CRHR2: variants seen among roughly 807,000 people sequenced by gnomAD.
The protein encoded by CRHR2 is corticotropin releasing hormone receptor 2.
A neutral mutation model predicts 57.9 loss-of-function variants in CRHR2; 53 were observed. The ratio of observed to expected loss-of-function variants is 0.92; its 90% CI spans 0.73 to 1.15. CRHR2 has a LOEUF of 1.15. Ranked by LOEUF, CRHR2 falls within the 50% of genes most tolerant of loss-of-function variation. The probability of loss-of-function intolerance (pLI) is 0.00; values close to 1 mark genes in which losing one functional copy is unlikely to be tolerated. For missense variants in CRHR2, 532 were observed against 542.6 expected (o/e 0.98, Z 0.19); for synonymous variants, 213 against 220.9 (o/e 0.96, Z 0.32).
rs1386312497 is a variant in CRHR2, at chr7:30,656,185, C to T, written c.832-173G>A. Among the ~76,000 whole-genome samples the T allele has an allele frequency of 2.0e-5, 3 of 152,114 alleles. No homozygotes were observed. The highest frequency in any genetic ancestry group is 7.2e-5 in the African/African-American group (3 of 41,430). Reference sequence around the variant, plus strand: ...CATCCCAAGGCCTGTGCTCCTCCCTCGCCAGGATGGGGAGACAGCCCCATT... The same window carrying T: ...CATCCCAAGGCCTGTGCTCCTCCCTTGCCAGGATGGGGAGACAGCCCCATT... On this transcript the variant is annotated intron_variant, in intron 8 of 11. Coordinates refer to ENST00000471646, the MANE Select transcript of CRHR2 (RefSeq NM_001883.5). The surrounding 1 kb of genome is among the most constrained non-coding windows in gnomAD (Gnocchi z 4.4).
At chr7:30,654,568 A>T in intron 11 of CRHR2, 1 of 994,540 alleles carries the variant, frequency 1.0e-6, no homozygotes, top group Non-Finnish European at 1.5e-6. Flanking sequence ...GGGCCTCATG[A>T]TTGGCTTGCA....
chr7:30,684,803 C>T (rs1784821942), upstream of CRHR2, among the ~76,000 whole-genome samples: 1 of 152,204 alleles, frequency 6.6e-6, no homozygotes, highest in South Asian at 2.1e-4. Context: ...GATTTTACAG[C>T]TCACTTTAGT....
intron 8 of CRHR2, among the ~76,000 whole-genome samples, chr7:30,658,703 C>A (rs532243611): frequency 6.6e-6 from 1 of 152,344 alleles, no homozygotes; most frequent in Admixed American, 6.5e-5. Flanking sequence ...TCAGCATGGG[C>A]TGAAATAGTC....
chr7:30,653,428 C>A lies in CRHR2; in HGVS notation c.*32G>T. ...CCCAGAGGAAGAAGGTGGAGGAGGACAGGGGAGCTGTGCAGGTGGGCGACC... is the reference window on the plus strand; with the variant it reads ...CCCAGAGGAAGAAGGTGGAGGAGGAAAGGGGAGCTGTGCAGGTGGGCGACC... On this transcript the variant is annotated 3_prime_UTR_variant, in exon 12 of 12. Coordinates refer to ENST00000471646, the MANE Select transcript of CRHR2 (RefSeq NM_001883.5). The surrounding 1 kb of genome is among the most constrained non-coding windows in gnomAD (Gnocchi z 5.0). 6.2e-7 allele frequency: 1 copy of A among 1,607,798 alleles called. No homozygotes were observed. The highest frequency in any genetic ancestry group is 1.3e-5 in the African/African-American group (1 of 74,958).
intron 1 of CRHR2, among the ~76,000 whole-genome samples, chr7:30,697,049 T>C (rs1290277472): frequency 6.6e-6 from 1 of 152,218 alleles, no homozygotes; most frequent in Admixed American, 6.5e-5. Flanking sequence ...GGAAAAGTCA[T>C]TCAATGCATT....
At chr7:30,683,932 G>A (rs1784804415), upstream of CRHR2, among the ~76,000 whole-genome samples, 1 of 152,190 alleles carries the variant, frequency 6.6e-6, no homozygotes, top group African/African-American at 2.4e-5. Flanking sequence ...CTGCTTTTGT[G>A]TGCTCCGCTC....
At chr7:30,660,199 C>A (rs77657721) in intron 8 of CRHR2, among the ~76,000 whole-genome samples, 2 of 152,068 alleles carry the variant, frequency 1.3e-5, no homozygotes. Context: ...CTGAGGGGAA[C>A]GTAGGTCTGG....
intron 10 of CRHR2, 132 bp from the exon 11 acceptor site, chr7:30,655,212 G>T: frequency 9.8e-7 from 1 of 1,020,464 alleles, no homozygotes; most frequent in Non-Finnish European, 1.5e-6. Context: ...TCAGAGCTGG[G>T]TGGGGTCCTA....
chr7:30,666,655 T>C (rs1430036277), intron 3 of CRHR2, among the ~76,000 whole-genome samples: 1 of 152,260 alleles, frequency 6.6e-6, no homozygotes, highest in Middle Eastern at 3.2e-3. Context: ...CTGAGGACTA[T>C]GCTGGGTAAT....
At chr7:30,695,165 C>T (rs1286950979) in intron 1 of CRHR2, among the ~76,000 whole-genome samples, 4 of 58,938 alleles carry the variant, frequency 6.8e-5, no homozygotes, top group African/African-American at 1.4e-4. Context: ...GGCCGAGGGG[C>T]GGGCGAGGGG....
intron 10 of CRHR2, 127 bp downstream of exon 10, chr7:30,655,453 C>G: frequency 2.4e-6 from 3 of 1,232,080 alleles, no homozygotes; most frequent in Non-Finnish European, 3.4e-6. Context: ...GTACGGGCTT[C>G]TAACTCTGTG....
chr7:30,676,599 C>T (rs1407602644), intron 2 of CRHR2, among the ~76,000 whole-genome samples: 1 of 152,190 alleles, frequency 6.6e-6, no homozygotes, highest in Non-Finnish European at 1.5e-5. Context: ...TCCCAGTGTC[C>T]ACCAAGCCCC....
chr7:30,661,147 C>T (rs1783983413), intron 7 of CRHR2, among the ~76,000 whole-genome samples: 1 of 152,214 alleles, frequency 6.6e-6, no homozygotes, highest in African/African-American at 2.4e-5. Context: ...TGCTTGTGCA[C>T]CCAGTGAGGG....
At chr7:30,697,055 G>A (rs1037350354) in intron 1 of CRHR2, among the ~76,000 whole-genome samples, 1 of 152,234 alleles carries the variant, frequency 6.6e-6, no homozygotes, top group Non-Finnish European at 1.5e-5. Context: ...GTCATTCAAT[G>A]CATTAGCTGC....
At chr7:30,667,456 G>A in intron 2 of CRHR2, 143 bp from the exon 3 acceptor site, 1 of 638,398 alleles carries the variant, frequency 1.6e-6, no homozygotes, top group African/African-American at 1.8e-5. Flanking sequence ...AAGTTTACAT[G>A]TAAGTCACTT....
rs1320973942 is a variant in CRHR2 at position 30,682,006 on chromosome 7, C to T, written c.138G>A (p.Gln46=). ...CGCTGCGGGGCCAGCACGTTCCGAT[C>T]TGGTCCAAGGTCGTGTTGCAGTAGG... ...PYSYCNTTLD[Q]IGTCWPRSAA... is the part of the protein sequence containing the mutation. The change falls in exon 2 of 12, where the codon CAG becomes CAA. Residue 46 remains glutamine (Q), a synonymous_variant. Transcript: ENST00000471646. The T allele has an allele frequency of 3.0e-5, 48 of 1,603,780 alleles. No individual in the cohort carries two copies. Among genetic ancestry groups the T allele is most frequent in the Non-Finnish European group, 3.8e-5 (45 of 1,175,818 alleles).
intron 5 of CRHR2, among the ~76,000 whole-genome samples, chr7:30,664,531 GAGGGCACCT>G (rs1784115146): frequency 1.3e-5 from 2 of 152,154 alleles, no homozygotes; most frequent in Admixed American, 1.3e-4. Context: ...AGGGGTCTTT[GAGGGCACCT>G]GAATCCACAA....
chr7:30,664,914 G>T (rs1784125422), intron 5 of CRHR2, among the ~76,000 whole-genome samples, 156 bp downstream of exon 5: 2 of 151,864 alleles, frequency 1.3e-5, no homozygotes, highest in South Asian at 4.1e-4. Context: ...GGAAGAGCTT[G>T]TAAGAGTAAA....
intron 9 of CRHR2, 34 bp from the exon 10 acceptor site, chr7:30,655,749 A>G (rs761495881): frequency 6.2e-7 from 1 of 1,606,268 alleles, no homozygotes. Flanking sequence ...GTCTGAGCCC[A>G]TGCGGCAGGC....
Sources: allele counts gnomAD v4.1 joint callset (sites outside exome capture counted in the v4.1 genomes callset), GRCh38; gene constraint gnomAD v4.1.1; non-coding constraint Gnocchi (gnomAD v3.1); transcripts MANE v1.5; gene names NCBI Gene and HGNC (gene_info 2026-07-23, HGNC 2026-07-21).